The following GREB1 variants were observed in gnomAD, a reference collection of about 807,000 sequenced individuals.
GREB1 encodes the protein growth regulating estrogen receptor binding 1.
Under a neutral mutation model 200.7 loss-of-function variants are expected in GREB1, and 106 were observed. The observed-to-expected ratio is 0.53, with a 90% CI of 0.45 to 0.62. GREB1 has a LOEUF of 0.62. Ranked by LOEUF, GREB1 falls within the 20% of genes least tolerant of loss-of-function variation. The pLI is 0.00. For synonymous variants in GREB1, 1,132 were observed against 1,092.4 expected (o/e 1.04, Z -0.72); for missense variants, 2,243 against 2,556.8 (o/e 0.88, Z 2.65).
Position 11,602,559 on chromosome 2 carries a change from T to C in GREB1, c.2666+17T>C. ...AGGAAAAAGGTACTTGTTTCTCTTCTAAGTTACTAGAAGTGCTCAGTAGCT... is the reference window on the plus strand; with the variant it reads ...AGGAAAAAGGTACTTGTTTCTCTTCCAAGTTACTAGAAGTGCTCAGTAGCT... On this transcript the variant is annotated intron_variant, in intron 17 of 32. Transcript: ENST00000381486. 1 of 1,612,224 alleles carries C rather than the reference T, an allele frequency of 6.2e-7. No individual in the cohort carries two copies. Among genetic ancestry groups the C allele is most frequent in the Non-Finnish European group, 8.5e-7 (1 of 1,178,252 alleles).
chr2:11,588,686 T>A, intron 9 of GREB1, 60 bp from the exon 10 acceptor site: 1 of 1,476,808 alleles, frequency 6.8e-7, no homozygotes, highest in Non-Finnish European at 9.5e-7. Context: ...AGAACCCACA[T>A]GTATGGGACC....
rs766482147 is a variant in GREB1, at chr2:11,580,693, T to C, written c.773-11T>C. ...AACTGACCCTCCTCTTTGCCTTCTA[T>C]CTGTTTTCAGGACCAGCTTCTGATC... is the stretch of plus-strand genomic sequence containing the variant. On this transcript the variant is annotated splice_polypyrimidine_tract_variant and intron_variant, in intron 6 of 32. Transcript: ENST00000381486. The surrounding 1 kb of genome is among the most constrained non-coding windows in gnomAD (Gnocchi z 4.5). The C allele has an allele frequency of 6.2e-7, 1 of 1,603,346 alleles. No homozygotes were observed. The highest frequency in any genetic ancestry group is 8.5e-7 in the Non-Finnish European group (1 of 1,172,678).
chr2:11,503,977 A>C (rs1673113936), intron 1 of GREB1, among the ~76,000 whole-genome samples: 1 of 152,198 alleles, frequency 6.6e-6, no homozygotes, highest in South Asian at 2.1e-4. Context: ...GATAAAGTTT[A>C]AGTTATAAAT....
At chr2:11,591,840 C>T (rs190041163) in intron 10 of GREB1, 60 of 202,020 alleles carry the variant, frequency 3.0e-4, no homozygotes, top group African/African-American at 1.4e-3. Context: ...ACATTATGGA[C>T]ACACTAACAG....
chr2:11,609,021 C>A (rs1269746349), intron 17 of GREB1, among the ~76,000 whole-genome samples: 1 of 152,118 alleles, frequency 6.6e-6, no homozygotes, highest in Non-Finnish European at 1.5e-5. Flanking sequence ...GGGGACTCAC[C>A]TAATTTGTCT....
chr2:11,519,252 A>G (rs1160582604), intron 1 of GREB1, among the ~76,000 whole-genome samples: 1 of 152,056 alleles, frequency 6.6e-6, no homozygotes, highest in African/African-American at 2.4e-5. Flanking sequence ...ATCGTTACCT[A>G]TACTGTTGGT....
chr2:11,599,280 A>G (rs932723992), intron 15 of GREB1, among the ~76,000 whole-genome samples: 3 of 149,502 alleles, frequency 2.0e-5, no homozygotes, highest in Non-Finnish European at 4.4e-5. Flanking sequence ...CTTCCCTGAA[A>G]GAGGCTCCGT....
intron 1 of GREB1, among the ~76,000 whole-genome samples, chr2:11,502,945 T>C (rs893962032): frequency 5.9e-5 from 9 of 152,134 alleles, no homozygotes; most frequent in Non-Finnish European, 1.2e-4. Flanking sequence ...TTGAGATTCA[T>C]ACGAAGTCCA....
Position 11,593,008 on chromosome 2 carries a change from C to A in GREB1, c.1578C>A (p.Ala526=). The A allele has an allele frequency of 6.2e-7, 1 of 1,612,150 alleles. No homozygotes were observed. The highest frequency in any genetic ancestry group is 8.5e-7 in the Non-Finnish European group (1 of 1,179,266). Residue 526 remains alanine, a synonymous_variant, in exon 11 of 33, where the codon GCC becomes GCA. Transcript: ENST00000381486. ...TCATCGAGTGTGCTTACTCCCTGGC[C>A]GAGGGCCTCTCCGAGATGTTCCGGC... ...VHVIECAYSL[A]EGLSEMFRLL...
chr2:11,602,019 T>G (rs1681825152), intron 16 of GREB1, among the ~76,000 whole-genome samples: 1 of 152,264 alleles, frequency 6.6e-6, no homozygotes, highest in African/African-American at 2.4e-5. Flanking sequence ...GTTTTCTTTG[T>G]CTATTGATTT....
Position 11,580,234 on chromosome 2 carries a change from G to T in GREB1, c.773-470G>T, listed in dbSNP as rs1186474626. On this transcript the variant is annotated intron_variant, in intron 6 of 32. Coordinates refer to ENST00000381486, the MANE Select transcript of GREB1 (RefSeq NM_014668.4). The surrounding 1 kb of genome is among the most constrained non-coding windows in gnomAD (Gnocchi z 4.5). The stretch of plus-strand genomic sequence containing the variant: ...AGCTGCAATTCAAAGTGGAATTTGG[G>T]CGGGGACACAGCCAAACCGTATCAA... Among the ~76,000 whole-genome samples the T allele has an allele frequency of 6.6e-6, 1 of 152,158 alleles. No individual in the cohort carries two copies. Among genetic ancestry groups the T allele is most frequent in the Non-Finnish European group, 1.5e-5 (1 of 68,042 alleles).
intron 7 of GREB1, among the ~76,000 whole-genome samples, chr2:11,583,803 G>T (rs1225607902): frequency 6.6e-6 from 1 of 152,074 alleles, no homozygotes; most frequent in East Asian, 1.9e-4. Context: ...AGGTTGCAGT[G>T]AGCTGAGGCC....
intron 25 of GREB1, among the ~76,000 whole-genome samples, 162 bp downstream of exon 25, chr2:11,627,266 G>T (rs1684542627): frequency 6.6e-6 from 1 of 152,212 alleles, no homozygotes; most frequent in African/African-American, 2.4e-5. Flanking sequence ...TCTGTGAAAT[G>T]ATTGCTGGAA....
intron 1 of GREB1, among the ~76,000 whole-genome samples, chr2:11,497,353 T>C (rs143212762): frequency 2.6e-5 from 4 of 152,344 alleles, no homozygotes; most frequent in African/African-American, 9.6e-5. Context: ...TGGACCACAG[T>C]CTGTTGAACC....
At chr2:11,625,387 G>C in intron 24 of GREB1, 75 bp downstream of exon 24, 4 of 1,437,720 alleles carry the variant, frequency 2.8e-6, no homozygotes, top group Non-Finnish European at 2.9e-6. Flanking sequence ...GCTGGATTTT[G>C]TTAGGCATGA....
At chr2:11,499,727 G>T (rs1672978930) in intron 1 of GREB1, among the ~76,000 whole-genome samples, 1 of 152,182 alleles carries the variant, frequency 6.6e-6, no homozygotes, top group African/African-American at 2.4e-5. Context: ...CATGACTGTT[G>T]TTAGCATTTT....
chr2:11,631,450 C>T (rs1024132379), intron 26 of GREB1, among the ~76,000 whole-genome samples: 1 of 152,154 alleles, frequency 6.6e-6, no homozygotes, highest in Admixed American at 6.5e-5. Flanking sequence ...AGTTAATTTC[C>T]GTTGCCTAAC....
Position 11,597,164 on chromosome 2 carries a change from G to A in GREB1, c.1955-617G>A, listed in dbSNP as rs1464338786. Among the ~76,000 whole-genome samples the A allele has an allele frequency of 1.3e-5, 2 of 152,072 alleles. No homozygotes were observed. The highest frequency in any genetic ancestry group is 2.4e-5 in the African/African-American group (1 of 41,386). The stretch of plus-strand genomic sequence containing the variant: ...CGAGGGCCTCGGTCTGGCCTGGGAG[G>A]CAGCATCCAAGGACTCAGATTGGAG... On this transcript the variant is annotated intron_variant, in intron 13 of 32. Coordinates refer to ENST00000381486, the MANE Select transcript of GREB1 (RefSeq NM_014668.4). The surrounding 1 kb of genome is among the most constrained non-coding windows in gnomAD (Gnocchi z 4.1).
rs62118301 is a variant in GREB1 at position 11,587,739 on chromosome 2, A to G, written c.1160-1007A>G. On this transcript the variant is annotated intron_variant, in intron 9 of 32. Transcript: ENST00000381486. ...CACACACACACACACACACACACAC[A>G]CACGCCACCTTTGGGAGCTCAGCAG... The G allele has an allele frequency of 0.02, 13,836 of 697,666 alleles. 1,686 individuals carry two copies. The African/African-American group carries it at 0.22, about 11-fold the overall frequency. The allele number at this position is 697,666 out of a possible 1,614,324, so 43.2% of individuals were successfully genotyped here. A position where few individuals can be genotyped will look rare whatever the true frequency, so the allele number is the denominator to read the frequency against.
Sources: allele counts gnomAD v4.1 joint callset (sites outside exome capture counted in the v4.1 genomes callset), GRCh38; gene constraint gnomAD v4.1.1; non-coding constraint Gnocchi (gnomAD v3.1); transcripts MANE v1.5; gene names NCBI Gene and HGNC (gene_info 2026-07-23, HGNC 2026-07-21).